The following BRINP3 variants were observed in gnomAD, a reference collection of about 807,000 sequenced individuals.
BRINP3 encodes the protein BMP/retinoic acid-inducible neural-specific protein 3.
A neutral mutation model predicts 71.0 loss-of-function variants in BRINP3; 19 were observed. The ratio of observed to expected loss-of-function variants is 0.27; its 90% confidence interval spans 0.19 to 0.39. The LOEUF (loss-of-function observed/expected upper bound fraction) is 0.39, where lower values mean the gene tolerates loss of function less well. Ranked by LOEUF, BRINP3 falls within the 10% of genes least tolerant of loss-of-function variation. The probability of loss-of-function intolerance (pLI) is 1.00; values close to 1 mark genes in which losing one functional copy is unlikely to be tolerated. For synonymous variants in BRINP3, 380 were observed against 337.7 expected (o/e 1.13, Z -1.37); for missense variants, 959 against 940.8 (o/e 1.02, Z -0.25).
chr1:190,158,142 T>C (rs950571670), intron 7 of BRINP3, among the ~76,000 whole-genome samples: 8 of 152,064 alleles, frequency 5.3e-5, no homozygotes, highest in African/African-American at 1.7e-4. Context: ...AATTGAATCA[T>C]GGGGCAGGTC....
At chr1:190,246,234 T>C (rs1203965387) in intron 4 of BRINP3, among the ~76,000 whole-genome samples, 4 of 152,048 alleles carry the variant, frequency 2.6e-5, no homozygotes, top group East Asian at 1.9e-4. Context: ...TTTTCCACTA[T>C]ATCTTCATCT....
At chr1:190,468,663 A>T (rs1342139543) in intron 1 of BRINP3, among the ~76,000 whole-genome samples, 1 of 151,176 alleles carries the variant, frequency 6.6e-6, no homozygotes, top group Admixed American at 6.6e-5. Flanking sequence ...ATAAGACAAT[A>T]ATCTGACTTT....
At chr1:190,278,633 A>G (rs2102926300) in intron 3 of BRINP3, among the ~76,000 whole-genome samples, 1 of 151,844 alleles carries the variant, frequency 6.6e-6, no homozygotes, top group Admixed American at 6.6e-5. Flanking sequence ...TAATATTTTG[A>G]GAAGAAAAAT....
At chr1:190,296,740 A>G (rs974702897) in intron 2 of BRINP3, among the ~76,000 whole-genome samples, 1 of 152,114 alleles carries the variant, frequency 6.6e-6, no homozygotes, top group Non-Finnish European at 1.5e-5. Flanking sequence ...AAAAATCAGT[A>G]CCATTCCTAT....
chr1:190,259,491 T>C (rs1367966350), intron 4 of BRINP3, among the ~76,000 whole-genome samples: 1 of 151,402 alleles, frequency 6.6e-6, no homozygotes, highest in African/African-American at 2.4e-5. Flanking sequence ...CCTCCATGTA[T>C]TAAAGAGCAT....
At chr1:190,196,937 A>G (rs1488590951) in intron 6 of BRINP3, among the ~76,000 whole-genome samples, 2 of 149,222 alleles carry the variant, frequency 1.3e-5, no homozygotes, top group East Asian at 2.0e-4. Context: ...TAAATTATTT[A>G]TAATATAATA....
chr1:190,111,180 A>G (rs573913747), intron 7 of BRINP3, among the ~76,000 whole-genome samples: 1 of 59,870 alleles, frequency 1.7e-5, no homozygotes, highest in Non-Finnish European at 4.0e-5. Flanking sequence ...GCAAGACTCC[A>G]TTAAAAAAAA....
chr1:190,385,891 C>G (rs1448087332), intron 2 of BRINP3, among the ~76,000 whole-genome samples: 1 of 146,770 alleles, frequency 6.8e-6, no homozygotes, highest in Non-Finnish European at 1.5e-5. Flanking sequence ...CCATGGAATA[C>G]TATGCAGCCA....
chr1:190,265,435 C>T (rs183700609), intron 3 of BRINP3, among the ~76,000 whole-genome samples: 13 of 151,980 alleles, frequency 8.6e-5, no homozygotes, highest in Middle Eastern at 3.5e-3. Context: ...GGCACGGTGG[C>T]TCACGCCTGT....
chr1:190,423,555 C>T (rs1673515055), intron 2 of BRINP3, among the ~76,000 whole-genome samples: 1 of 151,664 alleles, frequency 6.6e-6, no homozygotes, highest in Admixed American at 6.6e-5. Flanking sequence ...ACTTATTTGG[C>T]AATTTGACAA....
chr1:190,461,308 C>T (rs1390660703), intron 1 of BRINP3, among the ~76,000 whole-genome samples: 1 of 152,154 alleles, frequency 6.6e-6, no homozygotes, highest in Non-Finnish European at 1.5e-5. Flanking sequence ...TGCGGTTCCT[C>T]TGCCTGAATG....
At chr1:190,222,436 G>A (rs1338615367) in intron 6 of BRINP3, among the ~76,000 whole-genome samples, 2 of 151,698 alleles carry the variant, frequency 1.3e-5, no homozygotes, top group Non-Finnish European at 2.9e-5. Flanking sequence ...AGTAATAAAT[G>A]CCTAAATTAA....
intron 2 of BRINP3, among the ~76,000 whole-genome samples, chr1:190,314,081 G>A (rs1459511993): frequency 1.3e-5 from 2 of 151,872 alleles, no homozygotes; most frequent in Non-Finnish European, 2.9e-5. Context: ...AAAATATAAT[G>A]AGTGACTTGT....
At chr1:190,461,775 T>G (rs940359145) in intron 1 of BRINP3, among the ~76,000 whole-genome samples, 3 of 152,252 alleles carry the variant, frequency 2.0e-5, no homozygotes, top group African/African-American at 7.2e-5. Context: ...CGAATCTGCA[T>G]CTGAGCTGAG....
chr1:190,188,210 T>A (rs908320074), intron 6 of BRINP3, among the ~76,000 whole-genome samples: 16 of 152,162 alleles, frequency 1.1e-4, no homozygotes, highest in African/African-American at 3.9e-4. Context: ...TTTCTGAAGG[T>A]TGATTTTGTA....
At chr1:190,176,851 G>A (rs1282329110) in intron 6 of BRINP3, among the ~76,000 whole-genome samples, 1 of 152,028 alleles carries the variant, frequency 6.6e-6, no homozygotes. Flanking sequence ...TTTTAACTCT[G>A]GAGAAATGAA....
intron 4 of BRINP3, among the ~76,000 whole-genome samples, chr1:190,246,437 C>G (rs1400880802): frequency 6.6e-6 from 1 of 151,740 alleles, no homozygotes; most frequent in Non-Finnish European, 1.5e-5. Flanking sequence ...AATTTTGGGT[C>G]TCTAGAAGTT....
intron 7 of BRINP3, chr1:190,154,023 G>A: frequency 1.1e-6 from 1 of 883,154 alleles, no homozygotes; most frequent in Non-Finnish European, 1.4e-6. Context: ...GACTTATATG[G>A]TGGCCTCAAA....
intron 2 of BRINP3, among the ~76,000 whole-genome samples, chr1:190,340,345 G>C (rs989269712): frequency 1.1e-4 from 16 of 151,954 alleles, no homozygotes; most frequent in Admixed American, 6.6e-5. Context: ...TCATCTGAAA[G>C]CTCATATTTT....
Sources: gnomAD v4.1 joint callset for allele counts (sites outside exome capture counted in the v4.1 genomes callset) on GRCh38, gnomAD v4.1.1 for gene constraint, MANE v1.5 for transcripts, NCBI Gene and HGNC (gene_info 2026-07-23, HGNC 2026-07-21) for gene names.